The following PCMTD1 variants were observed in gnomAD, a reference collection of about 807,000 sequenced individuals.
The protein encoded by PCMTD1 is protein-L-isoaspartate O-methyltransferase domain-containing protein 1.
PCMTD1 carries 12 observed loss-of-function variants against 37.6 expected under a neutral mutation model. The ratio of observed to expected loss-of-function variants is 0.32; its 90% CI spans 0.20 to 0.52. The LOEUF is 0.52. Ranked by LOEUF, PCMTD1 falls within the 20% of genes least tolerant of loss-of-function variation. The probability of loss-of-function intolerance (pLI) is 0.97; values close to 1 mark genes in which losing one functional copy is unlikely to be tolerated. For synonymous variants in PCMTD1, 117 were observed against 135.8 expected (o/e 0.86, Z 0.96); for missense variants, 235 against 421.3 (o/e 0.56, Z 3.87).
intron 1 of PCMTD1, among the ~76,000 whole-genome samples, chr8:51,864,247 C>T (rs2038518764): frequency 1.3e-5 from 2 of 152,182 alleles, no homozygotes; most frequent in African/African-American, 4.8e-5. Flanking sequence ...TATTGGAGCA[C>T]CTAAATATAT....
chr8:51,886,448 G>A (rs912578054), intron 1 of PCMTD1, among the ~76,000 whole-genome samples: 8 of 152,096 alleles, frequency 5.3e-5, no homozygotes, highest in African/African-American at 1.9e-4. Context: ...ACTTCAAGAT[G>A]ATCATACCTG....
At chr8:51,877,278 A>G (rs1195245203) in intron 1 of PCMTD1, among the ~76,000 whole-genome samples, 1 of 152,236 alleles carries the variant, frequency 6.6e-6, no homozygotes, top group Non-Finnish European at 1.5e-5. Flanking sequence ...TGGCTGCAAC[A>G]GGACCTTACA....
intron 5 of PCMTD1, among the ~76,000 whole-genome samples, chr8:51,829,341 T>C (rs2129274960): frequency 6.6e-6 from 1 of 152,336 alleles, no homozygotes; most frequent in Middle Eastern, 3.4e-3. Flanking sequence ...CTCTGCATCA[T>C]CGCACACATT....
rs1269541878 is a variant in PCMTD1 at position 51,827,132 on chromosome 8, A to C, written c.706+4312T>G. 7 of 1,055,254 alleles carry C rather than the reference A, an allele frequency of 6.6e-6. No homozygotes were observed. The South Asian group carries it at 1.6e-4, about 24-fold the overall frequency. 65.4% of individuals were successfully genotyped at this position (1,055,254 alleles called of 1,614,324 possible). A position where few individuals can be genotyped will look rare whatever the true frequency, so the allele number is the denominator to read the frequency against. ...ACCCACAAAAACTTATTCTCCATACATCCTATTAAATTTTGGCAAATATCA... is the reference window on the plus strand; with the variant it reads ...ACCCACAAAAACTTATTCTCCATACCTCCTATTAAATTTTGGCAAATATCA... On this transcript the variant is annotated intron_variant, in intron 5 of 5. Coordinates refer to ENST00000522514, the MANE Select transcript of PCMTD1 (RefSeq NM_052937.4).
chr8:51,848,332 T>C (rs1027535570), intron 2 of PCMTD1, among the ~76,000 whole-genome samples: 1 of 151,894 alleles, frequency 6.6e-6, no homozygotes, highest in Non-Finnish European at 1.5e-5. Context: ...AAAATCTAGT[T>C]ACATTTTTAT....
intron 1 of PCMTD1, among the ~76,000 whole-genome samples, chr8:51,885,044 C>A (rs118055910): frequency 6.6e-6 from 1 of 152,176 alleles, no homozygotes; most frequent in African/African-American, 2.4e-5. Context: ...TGCATGATTT[C>A]TCTTTCCTGA....
chr8:51,835,507 T>G (rs2038056407), intron 3 of PCMTD1, among the ~76,000 whole-genome samples: 2 of 152,176 alleles, frequency 1.3e-5, no homozygotes, highest in African/African-American at 4.8e-5. Context: ...ATCACATGGT[T>G]TAATCATCTT....
At chr8:51,854,717 A>T (rs1219389614) in intron 2 of PCMTD1, among the ~76,000 whole-genome samples, 1 of 152,086 alleles carries the variant, frequency 6.6e-6, no homozygotes, top group African/African-American at 2.4e-5. Flanking sequence ...TCTCTACTAA[A>T]AATACAAAAA....
At chr8:51,838,032 C>G (rs546517625) in intron 3 of PCMTD1, among the ~76,000 whole-genome samples, 1 of 152,310 alleles carries the variant, frequency 6.6e-6, no homozygotes, top group African/African-American at 2.4e-5. Context: ...GGCAATCTAC[C>G]TGCCTGGGCC....
At chr8:51,878,389 C>G (rs974147832) in intron 1 of PCMTD1, among the ~76,000 whole-genome samples, 4 of 152,026 alleles carry the variant, frequency 2.6e-5, no homozygotes, top group Non-Finnish European at 5.9e-5. Flanking sequence ...GTTCCTTGTG[C>G]TATTTCTCAC....
At chr8:51,850,726 G>A (rs905417564) in intron 2 of PCMTD1, among the ~76,000 whole-genome samples, 1 of 152,022 alleles carries the variant, frequency 6.6e-6, no homozygotes, top group East Asian at 1.9e-4. Context: ...AGGTTTCTAC[G>A]AAACTAATAT....
chr8:51,868,012 G>A (rs1285229487), intron 1 of PCMTD1, among the ~76,000 whole-genome samples: 1 of 152,108 alleles, frequency 6.6e-6, no homozygotes, highest in Non-Finnish European at 1.5e-5. Flanking sequence ...TGATAGCTTT[G>A]AGAGGCAAAT....
intron 3 of PCMTD1, among the ~76,000 whole-genome samples, chr8:51,841,302 T>A (rs1008602971): frequency 1.3e-5 from 2 of 152,174 alleles, no homozygotes; most frequent in Non-Finnish European, 2.9e-5. Flanking sequence ...TCATTACTCA[T>A]ATCATGACTC....
intron 2 of PCMTD1, among the ~76,000 whole-genome samples, chr8:51,848,711 T>C (rs957067904): frequency 3.3e-5 from 5 of 152,172 alleles, no homozygotes; most frequent in African/African-American, 4.8e-5. Context: ...TAATGAAAGA[T>C]AAAGACAATT....
In PCMTD1 at chr8:51,847,732, T is replaced by C. The variant is rs575383154; in HGVS notation, c.308-1969A>G. On this transcript the variant is annotated intron_variant, in intron 2 of 5. Transcript: ENST00000522514. The stretch of plus-strand genomic sequence containing the variant: ...AAACCTAATTTCCCTTTCTTCCTTT[T>C]AGGGTGATCCATTGACTATAAAACA... Among the ~76,000 whole-genome samples the C allele has an allele frequency of 4.6e-5, 7 of 152,298 alleles. No individual in the cohort carries two copies. In the East Asian group the frequency reaches 1.3e-3, roughly 29 times the overall value.
At position 51,818,187 on chromosome 8, in the gene PCMTD1, T is replaced by C. The variant is rs2037787350; in HGVS notation, c.*2164A>G. ...TTAATTTTCATTTTTCATTTCTACC[T>C]CTTAAAGTCAATGATAAACTCACAA... On this transcript the variant is annotated 3_prime_UTR_variant, in exon 6 of 6. Transcript: ENST00000522514. The C allele has an allele frequency of 6.4e-6, 2 of 313,544 alleles. No homozygotes were observed. The highest frequency in any genetic ancestry group is 1.2e-5 in the Non-Finnish European group (2 of 161,982). 19.4% of individuals were successfully genotyped at this position (313,544 alleles called of 1,614,324 possible). A position where few individuals can be genotyped will look rare whatever the true frequency, so the allele number is the denominator to read the frequency against.
chr8:51,833,461 C>T (rs1412604684), intron 4 of PCMTD1, 57 bp downstream of exon 4: 1 of 1,426,558 alleles, frequency 7.0e-7, no homozygotes, highest in South Asian at 1.3e-5. Context: ...AATTTCTTAA[C>T]CTTAAACAAA....
intron 5 of PCMTD1, among the ~76,000 whole-genome samples, chr8:51,822,828 G>A (rs1034179279): frequency 2.0e-5 from 3 of 152,138 alleles, no homozygotes; most frequent in Non-Finnish European, 4.4e-5. Flanking sequence ...GGGACAGAGT[G>A]AAGAATAAAT....
chr8:51,877,523 A>T (rs2038730331), intron 1 of PCMTD1, among the ~76,000 whole-genome samples: 1 of 152,228 alleles, frequency 6.6e-6, no homozygotes, highest in Admixed American at 6.5e-5. Flanking sequence ...TAATTTTTTT[A>T]TTACGGCTAG....
Sources: allele counts gnomAD v4.1 joint callset (sites outside exome capture counted in the v4.1 genomes callset), GRCh38; gene constraint gnomAD v4.1.1; transcripts MANE v1.5; gene names NCBI Gene and HGNC (gene_info 2026-07-23, HGNC 2026-07-21).